Variants in GRIA4 observed in about 807,000 individuals in gnomAD.
GRIA4 encodes the protein glutamate receptor 4.
In GRIA4, 34 loss-of-function variants were observed where a neutral mutation model predicts 104.0. That is an observed-to-expected ratio of 0.33 (90% CI 0.25 to 0.44). GRIA4 has a LOEUF of 0.44. Ranked by LOEUF, GRIA4 falls within the 20% of genes least tolerant of loss-of-function variation. GRIA4 has a pLI of 1.00. For missense variants in GRIA4, 750 were observed against 1,096.5 expected, an observed-to-expected ratio of 0.68 and a Z score of 4.46; for synonymous variants, 386 against 381.9, an observed-to-expected ratio of 1.01 and a Z score of -0.13.
Position 105,672,419 on chromosome 11 carries a change from T to C in GRIA4, c.247+59985T>C, listed in dbSNP as rs369298218. Among the ~76,000 whole-genome samples, 6 of 152,220 alleles carry C rather than the reference T, an allele frequency of 3.9e-5. No homozygotes were observed. In the East Asian group the frequency reaches 7.7e-4, roughly 20 times the overall value. ...CACTTTATTTATGTTAATGAGAAAA[T>C]GAAGTTAATATAACTCTCAAGTTAC... On this transcript the variant is annotated intron_variant, in intron 3 of 16. Coordinates refer to ENST00000282499, the MANE Select transcript of GRIA4 (RefSeq NM_000829.4).
At chr11:105,977,000 T>C (rs1015929376) in intron 16 of GRIA4, among the ~76,000 whole-genome samples, 2 of 152,030 alleles carry the variant, frequency 1.3e-5, no homozygotes, top group East Asian at 1.9e-4. Flanking sequence ...TGAGATTATA[T>C]GGAATTGTTC....
chr11:105,937,398 G>A (rs149937325), intron 14 of GRIA4, among the ~76,000 whole-genome samples: 15 of 152,170 alleles, frequency 9.9e-5, no homozygotes, highest in African/African-American at 3.4e-4. Context: ...TACTACACTG[G>A]TTACTAGACT....
intron 4 of GRIA4, among the ~76,000 whole-genome samples, chr11:105,805,618 A>C (rs769422634): frequency 5.9e-4 from 89 of 152,054 alleles, no homozygotes; most frequent in Non-Finnish European, 8.7e-4. Flanking sequence ...AAAGCCAAAA[A>C]CAAAAAATTC....
At chr11:105,808,987 A>G (rs73554215) in intron 4 of GRIA4, among the ~76,000 whole-genome samples, 1,707 of 152,116 alleles carry the variant, frequency 0.011, 34 homozygotes, top group African/African-American at 0.039. Flanking sequence ...CTAAGTTTTT[A>G]TTTATTTTTG....
chr11:105,842,908 G>T (rs1194622069), intron 4 of GRIA4: 1 of 152,154 alleles, frequency 6.6e-6, no homozygotes, highest in Non-Finnish European at 1.5e-5. Context: ...ATTTTTGAAT[G>T]ACCTGTAAGT....
rs1159722752 is a variant in GRIA4, at chr11:105,982,009, T to C, written c.*2270T>C. 1 of 152,686 alleles carries C rather than the reference T, an allele frequency of 6.5e-6. No individual in the cohort carries two copies. Among genetic ancestry groups the C allele is most frequent in the Non-Finnish European group, 1.5e-5 (1 of 68,068 alleles). 9.5% of individuals were successfully genotyped at this position (152,686 alleles called of 1,614,324 possible). The stretch of plus-strand genomic sequence containing the variant: ...GCTCCTTGAGGGCAGGGACTGTGTC[T>C]ATCTTGTTCACAGTTGTATCCCCAG... On this transcript the variant is annotated 3_prime_UTR_variant, in exon 17 of 17. Coordinates refer to ENST00000282499, the MANE Select transcript of GRIA4 (RefSeq NM_000829.4).
chr11:105,912,981 T>A, intron 10 of GRIA4: 3 of 963,200 alleles, frequency 3.1e-6, no homozygotes, highest in Non-Finnish European at 3.7e-6. Flanking sequence ...TGGATATAAT[T>A]CATTTTGATT....
At chr11:105,823,191 A>G (rs759410126) in intron 4 of GRIA4, among the ~76,000 whole-genome samples, 10 of 152,146 alleles carry the variant, frequency 6.6e-5, no homozygotes, top group Non-Finnish European at 1.5e-4. Flanking sequence ...GAATCACAAT[A>G]TTTGTTGGCA....
chr11:105,913,174 A>G (rs1947305314), intron 10 of GRIA4: 1 of 401,650 alleles, frequency 2.5e-6, no homozygotes, highest in Non-Finnish European at 3.4e-6. Context: ...CCCTGGGGAT[A>G]TGTCACAGAC....
intron 13 of GRIA4, 136 bp downstream of exon 13, chr11:105,927,075 A>AATAG: frequency 1.6e-6 from 1 of 623,744 alleles, no homozygotes; most frequent in South Asian, 2.0e-5. Context: ...TAAGGCTAGT[A>AATAG]CTTCTAACTG....
intron 4 of GRIA4, among the ~76,000 whole-genome samples, chr11:105,839,759 G>T (rs560235481): frequency 2.6e-5 from 4 of 151,918 alleles, no homozygotes; most frequent in African/African-American, 9.6e-5. Context: ...CCTAATTCTA[G>T]TTCTAGTTCA....
chr11:105,728,278 G>A (rs1227059110), intron 3 of GRIA4, among the ~76,000 whole-genome samples: 1 of 152,090 alleles, frequency 6.6e-6, no homozygotes, highest in Admixed American at 6.6e-5. Context: ...AGACAAAGAA[G>A]GGCATTACAT....
At chr11:105,823,641 G>T (rs1350935145) in intron 4 of GRIA4, among the ~76,000 whole-genome samples, 1 of 152,062 alleles carries the variant, frequency 6.6e-6, no homozygotes, top group Non-Finnish European at 1.5e-5. Flanking sequence ...TTGGCATAAT[G>T]AACAAAGTAT....
intron 5 of GRIA4, among the ~76,000 whole-genome samples, chr11:105,871,268 T>G (rs991971852): frequency 6.6e-6 from 1 of 152,038 alleles, no homozygotes; most frequent in Non-Finnish European, 1.5e-5. Context: ...CAAGTAGGGT[T>G]TTTAGAAAAA....
intron 4 of GRIA4, among the ~76,000 whole-genome samples, chr11:105,758,001 T>C (rs965600664): frequency 6.6e-6 from 1 of 152,166 alleles, no homozygotes; most frequent in Admixed American, 6.6e-5. Flanking sequence ...TCTGACACTT[T>C]AGGAGGACGA....
chr11:105,629,245 C>T (rs1000108130), intron 3 of GRIA4, among the ~76,000 whole-genome samples: 1 of 145,600 alleles, frequency 6.9e-6, no homozygotes, highest in African/African-American at 2.5e-5. Context: ...AGAAAATAAA[C>T]TAAAAATAAA....
chr11:105,658,686 A>G (rs1951914695), intron 3 of GRIA4, among the ~76,000 whole-genome samples: 1 of 151,970 alleles, frequency 6.6e-6, no homozygotes, highest in Admixed American at 6.6e-5. Flanking sequence ...TATCTTTACA[A>G]GAAGAAATGT....
chr11:105,651,032 C>T (rs1420531954), intron 3 of GRIA4, among the ~76,000 whole-genome samples: 1 of 152,090 alleles, frequency 6.6e-6, no homozygotes, highest in Non-Finnish European at 1.5e-5. Flanking sequence ...AATCTTGTAA[C>T]TTTTCTATTT....
At chr11:105,812,424 G>A (rs1052211496) in intron 4 of GRIA4, among the ~76,000 whole-genome samples, 2 of 152,064 alleles carry the variant, frequency 1.3e-5, no homozygotes, top group East Asian at 1.9e-4. Context: ...TCCATGTGAG[G>A]GCTTGAAAAT....
Sources: allele counts gnomAD v4.1 joint callset (sites outside exome capture counted in the v4.1 genomes callset), GRCh38; gene constraint gnomAD v4.1.1; transcripts MANE v1.5; gene names NCBI Gene and HGNC (gene_info 2026-07-23, HGNC 2026-07-21).